Variants in RCBTB2 observed in about 807,000 individuals in gnomAD.
The protein encoded by RCBTB2 is RCC1 and BTB domain-containing protein 2.
A neutral mutation model predicts 65.4 loss-of-function variants in RCBTB2; 55 were observed. The ratio of observed to expected loss-of-function variants is 0.84; its 90% CI spans 0.68 to 1.05. The LOEUF is 1.05. Ranked by LOEUF, RCBTB2 falls within the 50% of genes least tolerant of loss-of-function variation. The pLI, the probability that RCBTB2 is intolerant of heterozygous loss-of-function variation, is 0.00. For synonymous variants in RCBTB2, 220 were observed against 255.2 expected (o/e 0.86, Z 1.31); for missense variants, 599 against 680.1 (o/e 0.88, Z 1.33).
chr13:48,528,007 G>T (rs1490100594), intron 1 of RCBTB2, among the ~76,000 whole-genome samples: 1 of 152,156 alleles, frequency 6.6e-6, no homozygotes, highest in Non-Finnish European at 1.5e-5. Context: ...ATATTACTCG[G>T]TAATACCTCT....
Position 48,526,939 on chromosome 13 carries a change from T to A in RCBTB2, c.-218-2182A>T, listed in dbSNP as rs543604727. Among the ~76,000 whole-genome samples the A allele has an allele frequency of 3.3e-5, 5 of 151,638 alleles. No homozygotes were observed. The East Asian group carries it at 9.6e-4, about 29-fold the overall frequency. ...TCAAAAAATAATAATAATAAATAGA[T>A]TTTTTTTAAATAGGAGGATTAAATA... On this transcript the variant is annotated intron_variant, in intron 1 of 14. Coordinates refer to ENST00000344532, the MANE Select transcript of RCBTB2 (RefSeq NM_001268.4).
chr13:48,499,597 T>G (rs1370601332), intron 13 of RCBTB2, 24 bp downstream of exon 13: 2 of 1,610,992 alleles, frequency 1.2e-6, no homozygotes, highest in Admixed American at 3.4e-5. Context: ...TTTTGCCAAG[T>G]TTTTGGAAGT....
chr13:48,500,727 G>C (rs1308848453), intron 12 of RCBTB2, among the ~76,000 whole-genome samples: 2 of 152,148 alleles, frequency 1.3e-5, no homozygotes, highest in African/African-American at 4.8e-5. Context: ...AGCCTCACAA[G>C]AAACCCATCC....
At chr13:48,508,948 G>C (rs1237746456) in intron 10 of RCBTB2, among the ~76,000 whole-genome samples, 3 of 152,204 alleles carry the variant, frequency 2.0e-5, no homozygotes, top group African/African-American at 7.2e-5. Context: ...GTGCAATGCA[G>C]CAAGTCACTG....
rs184376882 is a variant in RCBTB2 at position 48,510,913 on chromosome 13, A to T, written c.784-142T>A. ...AGAGGCAAGCATTAAGTTAACCAAC[A>T]TCCTTCCAGAACATGTGGGCCAGAA... On this transcript the variant is annotated intron_variant, in intron 9 of 14. Coordinates refer to ENST00000344532, the MANE Select transcript of RCBTB2 (RefSeq NM_001268.4). 1.5e-4 allele frequency: 122 copies of T among 805,712 alleles called. No individual in the cohort carries two copies. In the East Asian group the frequency reaches 3.1e-3, roughly 20 times the overall value. 49.9% of individuals were successfully genotyped at this position (805,712 alleles called of 1,614,324 possible). A position where few individuals can be genotyped will look rare whatever the true frequency, so the allele number is the denominator to read the frequency against.
chr13:48,518,844 C>A (rs1951253105), intron 4 of RCBTB2, among the ~76,000 whole-genome samples: 1 of 152,126 alleles, frequency 6.6e-6, no homozygotes, highest in South Asian at 2.1e-4. Context: ...TACCCCACCA[C>A]CCAATATCAT....
intron 11 of RCBTB2, among the ~76,000 whole-genome samples, chr13:48,502,316 C>A (rs1209483314): frequency 6.6e-6 from 1 of 152,090 alleles, no homozygotes; most frequent in East Asian, 1.9e-4. Context: ...CACAGAGAGA[C>A]CCCACCTCCA....
chr13:48,522,190 T>G (rs1481123041), intron 3 of RCBTB2, 118 bp downstream of exon 3: 7 of 759,622 alleles, frequency 9.2e-6, no homozygotes, highest in Admixed American at 7.1e-5. Context: ...ATCTTCCTGC[T>G]GAGGTCTGAA....
intron 10 of RCBTB2, among the ~76,000 whole-genome samples, chr13:48,506,634 T>G (rs565250155): frequency 6.6e-6 from 1 of 152,170 alleles, no homozygotes; most frequent in Non-Finnish European, 1.5e-5. Flanking sequence ...TGGGGGCCAA[T>G]GTACACATAG....
At chr13:48,499,105 C>T (rs1301234546) in intron 13 of RCBTB2, among the ~76,000 whole-genome samples, 7 of 148,884 alleles carry the variant, frequency 4.7e-5, no homozygotes, top group African/African-American at 1.5e-4. Flanking sequence ...TCCCGACCCC[C>T]ACCCCAACAC....
rs753264710 is a variant in RCBTB2 at position 48,512,063 on chromosome 13, T to C, written c.628A>G (p.Ile210Val). Residue 210 changes from isoleucine to valine, a missense_variant, in exon 8 of 15, where the codon ATA becomes GTA. Coordinates refer to ENST00000344532, the MANE Select transcript of RCBTB2 (RefSeq NM_001268.4). ...ATGCAGCACATCTGCCCACATGCTA[T>C]GGTCACAACTACTTTATTTTGTAGG... ...GCLQNKVVVT[I>V]ACGQMCCMAV... 5 of 1,614,132 alleles carry C rather than the reference T, an allele frequency of 3.1e-6. No individual in the cohort carries two copies. The highest frequency in any genetic ancestry group is 4.5e-5 in the East Asian group (2 of 44,906).
chr13:48,495,604 G>C (rs1052100997), intron 14 of RCBTB2, among the ~76,000 whole-genome samples: 30 of 152,144 alleles, frequency 2.0e-4, no homozygotes, highest in Non-Finnish European at 7.4e-5. Context: ...TGAATTCCTT[G>C]AAGAATTATG....
intron 1 of RCBTB2, among the ~76,000 whole-genome samples, chr13:48,527,341 T>TATATATATG (rs1566336985): frequency 4.0e-5 from 5 of 124,118 alleles, no homozygotes; most frequent in African/African-American, 2.0e-4. Context: ...ATATATGATA[T>TATATATATG]ATATATATAT....
At chr13:48,529,390 T>C (rs1172284143) in intron 1 of RCBTB2, among the ~76,000 whole-genome samples, 2 of 152,166 alleles carry the variant, frequency 1.3e-5, no homozygotes, top group African/African-American at 4.8e-5. Flanking sequence ...TGTTCAGTAT[T>C]ATATACATAC....
chr13:48,513,532 C>CT, intron 6 of RCBTB2, among the ~76,000 whole-genome samples: 1 of 152,134 alleles, frequency 6.6e-6, no homozygotes, highest in East Asian at 1.9e-4. Context: ...CATGTTGTCT[C>CT]TTAGTGTTAT....
At position 48,530,978 on chromosome 13, in the gene RCBTB2, T is replaced by C. The variant is rs952616268; in HGVS notation, c.-219+2050A>G. On this transcript the variant is annotated intron_variant, in intron 1 of 14. Transcript: ENST00000344532. ...AAAACCCAGTTCCCCATGTTAAACATCACCTTTGGTTTATCCTTCAGACTC... is the reference window on the plus strand; with the variant it reads ...AAAACCCAGTTCCCCATGTTAAACACCACCTTTGGTTTATCCTTCAGACTC... Among the ~76,000 whole-genome samples, 23 of 152,342 alleles carry C rather than the reference T, an allele frequency of 1.5e-4. No homozygotes were observed. The East Asian group carries it at 3.5e-3, about 23-fold the overall frequency.
At chr13:48,535,380 C>G (rs1593862510), upstream of RCBTB2, among the ~76,000 whole-genome samples, 1 of 152,110 alleles carries the variant, frequency 6.6e-6, no homozygotes, top group East Asian at 1.9e-4. Flanking sequence ...CTAAGCCTCC[C>G]AAGTAGTTGG....
chr13:48,496,345 G>A (rs1949970078), intron 13 of RCBTB2, 24 bp from the exon 14 acceptor site: 1 of 1,512,738 alleles, frequency 6.6e-7, no homozygotes, highest in Non-Finnish European at 8.9e-7. Flanking sequence ...GTGTTTATTA[G>A]GGGGAGTGAT....
intron 4 of RCBTB2, among the ~76,000 whole-genome samples, chr13:48,518,793 AT>A (rs1387297282): frequency 6.6e-6 from 1 of 152,084 alleles, no homozygotes; most frequent in Non-Finnish European, 1.5e-5. Context: ...TAAGGATGGA[AT>A]TTTGTTACGT....
Sources: gnomAD v4.1 joint callset for allele counts (sites outside exome capture counted in the v4.1 genomes callset) on GRCh38, gnomAD v4.1.1 for gene constraint, MANE v1.5 for transcripts, NCBI Gene and HGNC (gene_info 2026-07-23, HGNC 2026-07-21) for gene names.